LZTFL1: variants seen among roughly 807,000 people sequenced by gnomAD.
LZTFL1 encodes the protein leucine zipper transcription factor-like protein 1.
LZTFL1 carries 25 observed loss-of-function variants against 45.9 expected under a neutral mutation model. The observed-to-expected ratio is 0.54, with a 90% CI of 0.40 to 0.76. The LOEUF is 0.76. Ranked by LOEUF, LZTFL1 falls within the 30% of genes least tolerant of loss-of-function variation. The probability of loss-of-function intolerance (pLI) is 0.00; values close to 1 mark genes in which losing one functional copy is unlikely to be tolerated. For synonymous variants in LZTFL1, 93 were observed against 117.4 expected (o/e 0.79, Z 1.35); for missense variants, 277 against 331.1 (o/e 0.84, Z 1.27).
intron 3 of LZTFL1, 86 bp downstream of exon 3, chr3:45,835,504 G>C: frequency 7.4e-7 from 1 of 1,352,250 alleles, no homozygotes; most frequent in Non-Finnish European, 1.0e-6. Flanking sequence ...CTAGCCCCAA[G>C]AAAATATGCA....
At chr3:45,875,728 G>A (rs1374183980) in intron 2 of LZTFL1, among the ~76,000 whole-genome samples, 1 of 152,182 alleles carries the variant, frequency 6.6e-6, no homozygotes, top group African/African-American at 2.4e-5. Context: ...CATAGTGGTT[G>A]TGAAGATCAA....
At chr3:45,870,273 G>A (rs1701651196) in intron 2 of LZTFL1, among the ~76,000 whole-genome samples, 1 of 152,234 alleles carries the variant, frequency 6.6e-6, no homozygotes, top group Non-Finnish European at 1.5e-5. Flanking sequence ...TCACCACCAA[G>A]TCAGGTGTCT....
upstream of LZTFL1, chr3:45,842,180 A>G: frequency 6.8e-7 from 1 of 1,461,950 alleles, no homozygotes; most frequent in Non-Finnish European, 9.0e-7. Flanking sequence ...GGTCCTCAGG[A>G]TCACGCGACA....
chr3:45,872,181 G>T (rs1701681000), intron 2 of LZTFL1, among the ~76,000 whole-genome samples: 1 of 152,174 alleles, frequency 6.6e-6, no homozygotes, highest in Non-Finnish European at 1.5e-5. Flanking sequence ...GAGGGGTGCA[G>T]AGGGGCCAGA....
chr3:45,827,202 C>T, intron 9 of LZTFL1, 154 bp downstream of exon 9: 1 of 652,966 alleles, frequency 1.5e-6, no homozygotes, highest in Non-Finnish European at 2.7e-6. Context: ...TAAGGTCAGG[C>T]CAGAGCTCCT....
At chr3:45,910,955 T>C (rs1161732314) in intron 2 of LZTFL1, among the ~76,000 whole-genome samples, 1 of 152,210 alleles carries the variant, frequency 6.6e-6, no homozygotes, top group Non-Finnish European at 1.5e-5. Context: ...CTGGAAAGCT[T>C]AACTACTGGC....
At chr3:45,852,668 G>C (rs1701326528) in intron 4 of LZTFL1, among the ~76,000 whole-genome samples, 1 of 152,244 alleles carries the variant, frequency 6.6e-6, no homozygotes, top group Non-Finnish European at 1.5e-5. Flanking sequence ...AGAGGTGCTA[G>C]AGTGGCAGTA....
chr3:45,836,132 CCGG>C (rs1216537028), intron 2 of LZTFL1, among the ~76,000 whole-genome samples: 4 of 152,186 alleles, frequency 2.6e-5, no homozygotes, highest in African/African-American at 9.6e-5. Flanking sequence ...CAAAAGTCAC[CCGG>C]AAGGCATAGT....
At position 45,828,475 on chromosome 3, in the gene LZTFL1, T is replaced by C; in HGVS notation, c.741A>G (p.Leu247=). Residue 247 remains leucine, a synonymous_variant, in exon 8 of 10, where the codon CTA becomes CTG. Coordinates refer to ENST00000296135, the MANE Select transcript of LZTFL1 (RefSeq NM_020347.4). ...TGTGCAGCTGCTCCTGAACCCTGAG[T>C]AGATCGTGCTTGGCTGTCGCCAGAT... is the stretch of plus-strand genomic sequence containing the variant. ...EENLATAKHD[L]LRVQEQLHMA... is the part of the protein sequence containing the mutation. 1 of 1,614,234 alleles carries C rather than the reference T, an allele frequency of 6.2e-7. No homozygotes were observed. Among genetic ancestry groups the C allele is most frequent in the Non-Finnish European group, 8.5e-7 (1 of 1,180,042 alleles).
chr3:45,863,426 G>T, intron 2 of LZTFL1, among the ~76,000 whole-genome samples: 1 of 152,122 alleles, frequency 6.6e-6, no homozygotes, highest in East Asian at 1.9e-4. Flanking sequence ...ACATCTGTAT[G>T]GTGCCAAAAT....
Position 45,828,589 on chromosome 3 carries a change from A to T in LZTFL1, c.627T>A (p.Ser209Arg). The T allele has an allele frequency of 6.2e-7, 1 of 1,613,870 alleles. No individual in the cohort carries two copies. Among genetic ancestry groups the T allele is most frequent in the Non-Finnish European group, 8.5e-7 (1 of 1,179,912 alleles). ...AGGCAGCGACAGTGTTTTCTAAGTT[A>T]CTTAAGTCTTGGGCCTTTATAAAAT... ...QKDFIKAQDLSNLENTVAALK... is the reference protein window; with the variant it reads ...QKDFIKAQDLRNLENTVAALK... Residue 209 changes from serine (S) to arginine (R), a missense_variant, in exon 8 of 10, where the codon AGT (serine) becomes AGA (arginine). Ser to Arg is a moderately radical substitution (Grantham distance 110). Transcript: ENST00000296135.
chr3:45,835,844 C>A, intron 2 of LZTFL1, 60 bp from the exon 3 acceptor site: 1 of 1,295,920 alleles, frequency 7.7e-7, no homozygotes, highest in Non-Finnish European at 1.1e-6. Context: ...CTACAAAATA[C>A]AGCAAAATTA....
intron 3 of LZTFL1, among the ~76,000 whole-genome samples, chr3:45,857,013 C>G (rs1358109182): frequency 6.6e-6 from 1 of 152,152 alleles, no homozygotes; most frequent in Non-Finnish European, 1.5e-5. Flanking sequence ...AGCAATCCCA[C>G]TACTGGGTAT....
In LZTFL1 at chr3:45,824,461, A is replaced by G. The variant is rs1041313671; in HGVS notation, c.*1853T>C. Reference sequence around the variant, plus strand: ...ATCACGTTGATTTACGTCAAAGAACATCATATTTGTTTATCTTAATGCTTG... The same window carrying G: ...ATCACGTTGATTTACGTCAAAGAACGTCATATTTGTTTATCTTAATGCTTG... On this transcript the variant is annotated 3_prime_UTR_variant, in exon 10 of 10. Coordinates refer to ENST00000296135, the MANE Select transcript of LZTFL1 (RefSeq NM_020347.4). The G allele has an allele frequency of 1.1e-5, 2 of 185,434 alleles. No individual in the cohort carries two copies. The highest frequency in any genetic ancestry group is 3.9e-4 in the South Asian group (2 of 5,144). The allele number at this position is 185,434 out of a possible 1,614,324, so 11.5% of individuals were successfully genotyped here. A position where few individuals can be genotyped will look rare whatever the true frequency, so the allele number is the denominator to read the frequency against.
chr3:45,834,330 C>T, intron 3 of LZTFL1, 32 bp from the exon 4 acceptor site: 1 of 1,386,192 alleles, frequency 7.2e-7, no homozygotes, highest in Non-Finnish European at 1.0e-6. Context: ...AAAAATTATT[C>T]ATTTAAAATA....
chr3:45,861,914 A>G (rs915596605), intron 2 of LZTFL1, among the ~76,000 whole-genome samples: 1 of 152,130 alleles, frequency 6.6e-6, no homozygotes, highest in Admixed American at 6.5e-5. Flanking sequence ...CCAAGATCCA[A>G]AAAAGCCATG....
Position 45,827,338 on chromosome 3 carries a change from G to A in LZTFL1, c.881+18C>T, listed in dbSNP as rs535240697. On this transcript the variant is annotated intron_variant, in intron 9 of 9. Transcript: ENST00000296135. ...AATCCAGAGAGAGAAATCCAAAGGC[G>A]GGATCAGTGTGGCTTACTGTGCCAG... is the stretch of plus-strand genomic sequence containing the variant. The A allele has an allele frequency of 5.8e-5, 88 of 1,525,184 alleles. 1 individual carries two copies. In the Admixed American group the frequency reaches 1.0e-3, roughly 18 times the overall value. The allele number at this position is 1,525,184 out of a possible 1,614,324, so 94.5% of individuals were successfully genotyped here. A position where few individuals can be genotyped will look rare whatever the true frequency, so the allele number is the denominator to read the frequency against.
In LZTFL1 at chr3:45,834,193, A is replaced by G; in HGVS notation, c.384+45T>C. On this transcript the variant is annotated intron_variant, in intron 4 of 9. Coordinates refer to ENST00000296135, the MANE Select transcript of LZTFL1 (RefSeq NM_020347.4). ...TTCTTTGAGCAACTTGAGGATTTTA[A>G]ATACTGGCTATTAAGATATGGATTT... 2.7e-6 allele frequency: 3 copies of G among 1,114,068 alleles called. No homozygotes were observed. In the South Asian group the frequency reaches 4.4e-5, roughly 16 times the overall value. 69.0% of individuals were successfully genotyped at this position (1,114,068 alleles called of 1,614,324 possible). A position where few individuals can be genotyped will look rare whatever the true frequency, so the allele number is the denominator to read the frequency against.
chr3:45,874,829 T>C (rs1701724702), intron 2 of LZTFL1, among the ~76,000 whole-genome samples: 1 of 152,194 alleles, frequency 6.6e-6, no homozygotes, highest in Admixed American at 6.5e-5. Context: ...TACTTCTCTC[T>C]CTATAACCTT....
Sources: gnomAD v4.1 joint callset for allele counts (sites outside exome capture counted in the v4.1 genomes callset) on GRCh38, gnomAD v4.1.1 for gene constraint, MANE v1.5 for transcripts, NCBI Gene and HGNC (gene_info 2026-07-23, HGNC 2026-07-21) for gene names.